Variants in NAALADL2 observed in about 807,000 individuals in gnomAD.
The protein encoded by NAALADL2 is inactive N-acetylated-alpha-linked acidic dipeptidase-like protein 2.
NAALADL2 carries 76 observed loss-of-function variants against 87.2 expected under a neutral mutation model. The ratio of observed to expected loss-of-function variants is 0.87; its 90% CI spans 0.72 to 1.05. The LOEUF (loss-of-function observed/expected upper bound fraction) is 1.05. NAALADL2 is among the 50% of genes least tolerant of loss of function. The probability of loss-of-function intolerance (pLI) is 0.00; values close to 1 mark genes in which losing one functional copy is unlikely to be tolerated. For missense variants in NAALADL2, 1,089 were observed against 945.8 expected (o/e 1.15, Z -1.99); for synonymous variants, 354 against 331.0 (o/e 1.07, Z -0.75).
intron 1 of NAALADL2, among the ~76,000 whole-genome samples, chr3:174,878,353 C>T (rs563001744): frequency 6.6e-6 from 1 of 151,986 alleles, no homozygotes; most frequent in Non-Finnish European, 1.5e-5. Flanking sequence ...TGAGTCTACT[C>T]AGTGGGATTT....
At chr3:174,739,910 G>A (rs992862742) in intron 3 of NAALADL2, among the ~76,000 whole-genome samples, 1 of 151,930 alleles carries the variant, frequency 6.6e-6, no homozygotes, top group Admixed American at 6.5e-5. Flanking sequence ...CACACACTGT[G>A]GAAAATAACA....
chr3:175,607,913 G>GCACACACGCA (rs1553931904), intron 10 of NAALADL2, among the ~76,000 whole-genome samples: 2 of 149,094 alleles, frequency 1.3e-5, no homozygotes, highest in African/African-American at 2.5e-5. Flanking sequence ...ACACACACAC[G>GCACACACGCA]CACACACACG....
intron 1 of NAALADL2, among the ~76,000 whole-genome samples, chr3:175,007,996 C>T (rs1432537746): frequency 1.3e-5 from 2 of 152,010 alleles, no homozygotes; most frequent in Non-Finnish European, 2.9e-5. Flanking sequence ...ATACATTGGG[C>T]AAAGAGATGA....
intron 2 of NAALADL2, among the ~76,000 whole-genome samples, chr3:174,688,658 G>A (rs1038673196): frequency 5.3e-5 from 8 of 151,932 alleles, no homozygotes; most frequent in African/African-American, 1.9e-4. Flanking sequence ...TTCTGTGGGA[G>A]GACTATATGT....
chr3:174,806,388 C>G (rs990825145), intron 3 of NAALADL2, among the ~76,000 whole-genome samples: 5 of 152,228 alleles, frequency 3.3e-5, no homozygotes, highest in African/African-American at 1.2e-4. Context: ...CTTTGTAAGT[C>G]GGTCAATGGA....
intron 12 of NAALADL2, among the ~76,000 whole-genome samples, chr3:175,747,554 TTCTTTGTGTAAAAATACTTTTAA>T (rs1282848668): frequency 2.6e-5 from 4 of 152,198 alleles, no homozygotes; most frequent in African/African-American, 9.6e-5. Flanking sequence ...GTTTGTTGGT[TTCTTTGTGTAAAAATACTTTTAA>T]TCTTGGCTTG....
intron 11 of NAALADL2, among the ~76,000 whole-genome samples, chr3:175,688,793 G>A (rs1311540492): frequency 6.6e-6 from 1 of 152,156 alleles, no homozygotes; most frequent in Admixed American, 6.6e-5. Context: ...TAAGGTACCT[G>A]AAGAGAAGCT....
rs77098241 is a variant in NAALADL2, at chr3:175,333,751, C to G, written c.1090+9426C>G. On this transcript the variant is annotated intron_variant, in intron 5 of 13. Transcript: ENST00000454872. ...CATAGCTAGATAGAAGGAATAATTT[C>G]TAACATTCAGTATCAGTGTTGGGTG... Among the ~76,000 whole-genome samples, 1,173 of 152,110 alleles carry G rather than the reference C, an allele frequency of 7.7e-3. 15 individuals are homozygous for G. The highest frequency in any genetic ancestry group is 0.027 in the African/African-American group (1,100 of 41,490).
At chr3:175,398,036 C>CA (rs913349031) in intron 5 of NAALADL2, among the ~76,000 whole-genome samples, 9 of 151,660 alleles carry the variant, frequency 5.9e-5, no homozygotes, top group East Asian at 1.9e-4. Context: ...CCAAAACAAA[C>CA]AAAAAAAACT....
chr3:175,467,318 T>A, intron 8 of NAALADL2, 134 bp downstream of exon 8: 1 of 660,416 alleles, frequency 1.5e-6, no homozygotes, highest in South Asian at 1.9e-5. Context: ...TTTGCTGAGA[T>A]GGCTTATAAT....
At chr3:175,423,028 A>ATATATAT (rs1553890338) in intron 5 of NAALADL2, among the ~76,000 whole-genome samples, 5 of 111,318 alleles carry the variant, frequency 4.5e-5, no homozygotes, top group African/African-American at 2.0e-4. Flanking sequence ...GAAAAAAAAA[A>ATATATAT]ATATATATAT....
At chr3:174,465,731 A>G (rs1577968262) in intron 1 of NAALADL2, among the ~76,000 whole-genome samples, 1 of 152,156 alleles carries the variant, frequency 6.6e-6, no homozygotes, top group East Asian at 1.9e-4. Flanking sequence ...GCTTTCAAAT[A>G]TTTTGTTAAT....
chr3:175,229,633 GATAAT>G (rs1560196444), intron 2 of NAALADL2, among the ~76,000 whole-genome samples: 1 of 151,884 alleles, frequency 6.6e-6, no homozygotes, highest in African/African-American at 2.4e-5. Flanking sequence ...ATGATGGAAA[GATAAT>G]ATAATATAAT....
At chr3:175,141,871 G>A (rs972342821) in intron 2 of NAALADL2, among the ~76,000 whole-genome samples, 7 of 152,150 alleles carry the variant, frequency 4.6e-5, no homozygotes, top group South Asian at 2.1e-4. Flanking sequence ...TATTTTAAGC[G>A]CTGGCAGAGT....
chr3:174,948,716 G>A (rs1203611225), intron 1 of NAALADL2, among the ~76,000 whole-genome samples: 2 of 152,094 alleles, frequency 1.3e-5, no homozygotes, highest in Admixed American at 6.5e-5. Context: ...TGATGGCTGT[G>A]GTGACTCAAA....
At chr3:174,710,598 C>G (rs1397205506) in intron 2 of NAALADL2, among the ~76,000 whole-genome samples, 2 of 152,022 alleles carry the variant, frequency 1.3e-5, no homozygotes, top group East Asian at 1.9e-4. Context: ...TAGTTGCAGA[C>G]GAGGAAGTTA....
chr3:174,531,283 C>G (rs1208405830), intron 1 of NAALADL2, among the ~76,000 whole-genome samples: 1 of 141,746 alleles, frequency 7.1e-6, no homozygotes, highest in Non-Finnish European at 1.6e-5. Flanking sequence ...TTTTTTTATT[C>G]TTTTGGTTCT....
intron 1 of NAALADL2, among the ~76,000 whole-genome samples, chr3:174,473,149 A>G (rs1225333943): frequency 6.6e-6 from 1 of 152,144 alleles, no homozygotes; most frequent in Non-Finnish European, 1.5e-5. Context: ...TATTTGTAAG[A>G]TGGGCTAATA....
chr3:175,549,182 T>A (rs1178926208), intron 9 of NAALADL2, among the ~76,000 whole-genome samples: 1 of 151,998 alleles, frequency 6.6e-6, no homozygotes, highest in African/African-American at 2.4e-5. Flanking sequence ...CATTGTGTAG[T>A]TCTATGATAT....
Sources: allele counts gnomAD v4.1 joint callset (sites outside exome capture counted in the v4.1 genomes callset), GRCh38; gene constraint gnomAD v4.1.1; transcripts MANE v1.5; gene names NCBI Gene and HGNC (gene_info 2026-07-23, HGNC 2026-07-21).